The following FAM107B variants were observed in gnomAD, a reference collection of about 807,000 sequenced individuals.
FAM107B encodes the protein protein FAM107B.
In FAM107B, 21 loss-of-function variants were observed where a neutral mutation model predicts 31.5. The observed-to-expected ratio is 0.67, with a 90% CI of 0.47 to 0.96. The LOEUF (loss-of-function observed/expected upper bound fraction) is 0.96. Ranked by LOEUF, FAM107B falls within the 40% of genes least tolerant of loss-of-function variation. The probability of loss-of-function intolerance (pLI) is 0.00; values close to 1 mark genes in which losing one functional copy is unlikely to be tolerated. For synonymous variants in FAM107B, 157 were observed against 141.5 expected (o/e 1.11, Z -0.78); for missense variants, 452 against 377.1 (o/e 1.20, Z -1.64).
At chr10:14,610,453 T>C (rs1284062689) in intron 2 of FAM107B, among the ~76,000 whole-genome samples, 1 of 152,244 alleles carries the variant, frequency 6.6e-6, no homozygotes, top group African/African-American at 2.4e-5. Context: ...GCACAATTGT[T>C]GTATGACGTT....
intron 1 of FAM107B, among the ~76,000 whole-genome samples, chr10:14,745,456 CTT>C (rs1156476914): frequency 6.6e-6 from 1 of 152,114 alleles, no homozygotes; most frequent in East Asian, 1.9e-4. Flanking sequence ...AAATTTCTCT[CTT>C]AACACTACTT....
intron 2 of FAM107B, among the ~76,000 whole-genome samples, chr10:14,580,899 A>T (rs1008836782): frequency 1.7e-4 from 26 of 152,196 alleles, no homozygotes; most frequent in Non-Finnish European, 3.5e-4. Flanking sequence ...CTGTTGGCTT[A>T]TTGAGAGCAC....
rs1846849363 is a variant in FAM107B at position 14,530,449 on chromosome 10, G to C, written c.536C>G (p.Pro179Arg). ...AGGATTGTCATCTTCTATGTAGTCT[G>C]GCTCGGCCATGATGCTTCTTGTAAT... is the stretch of plus-strand genomic sequence containing the variant. Reference protein sequence around the residue: ...YLITRSIMAEPDYIEDDNPEL... With the variant: ...YLITRSIMAERDYIEDDNPEL... The change falls in exon 3 of 5, where the codon CCA (proline) becomes CGA (arginine). Residue 179 changes from proline (P) to arginine (R), a missense_variant. By Grantham distance (103) the Pro-to-Arg change is moderately radical (BLOSUM62 -2). Transcript: ENST00000181796. The C allele has an allele frequency of 6.2e-7, 1 of 1,614,062 alleles. No individual in the cohort carries two copies. Among genetic ancestry groups the C allele is most frequent in the Non-Finnish European group, 8.5e-7 (1 of 1,180,004 alleles).
At chr10:14,586,256 T>C (rs1851830771) in intron 2 of FAM107B, among the ~76,000 whole-genome samples, 1 of 152,122 alleles carries the variant, frequency 6.6e-6, no homozygotes, top group Non-Finnish European at 1.5e-5. Context: ...CCACCTTCTC[T>C]TCAGAACACT....
chr10:14,712,721 T>G (rs1331492422), intron 1 of FAM107B, among the ~76,000 whole-genome samples: 1 of 152,036 alleles, frequency 6.6e-6, no homozygotes, highest in Non-Finnish European at 1.5e-5. Context: ...TGGGAAGAGG[T>G]TTTAAAAAAC....
At chr10:14,682,384 C>T (rs775042352) in intron 1 of FAM107B, among the ~76,000 whole-genome samples, 2 of 152,108 alleles carry the variant, frequency 1.3e-5, no homozygotes, top group Non-Finnish European at 2.9e-5. Context: ...TAAAAATTAG[C>T]TGGGCTTGGT....
At chr10:14,632,767 G>A (rs1588672162) in intron 2 of FAM107B, among the ~76,000 whole-genome samples, 1 of 152,010 alleles carries the variant, frequency 6.6e-6, no homozygotes, top group African/African-American at 2.4e-5. Flanking sequence ...GGAGAGACAC[G>A]AGATGGCACA....
rs1483077713 is a variant in FAM107B, at chr10:14,774,335, C to T, written c.329G>A (p.Gly110Glu). 1.2e-6 allele frequency: 2 copies of T among 1,614,208 alleles called. No homozygotes were observed. The highest frequency in any genetic ancestry group is 8.5e-7 in the Non-Finnish European group (1 of 1,180,038). Reference protein sequence around the residue: ...QPAETPEDVPGSLDDGADCEA... With the variant: ...QPAETPEDVPESLDDGADCEA... Reference sequence around the variant, plus strand: ...ACAGTCCGCCCCATCATCCAGGGACCCGGGCACATCTTCAGGCGTCTCCGC... The same window carrying T: ...ACAGTCCGCCCCATCATCCAGGGACTCGGGCACATCTTCAGGCGTCTCCGC... Residue 110 changes from glycine (G) to glutamate (E), a missense_variant, in exon 1 of 5, where the codon GGG becomes GAG. Transcript: ENST00000181796.
At chr10:14,586,564 G>A (rs1281330033) in intron 2 of FAM107B, among the ~76,000 whole-genome samples, 7 of 152,156 alleles carry the variant, frequency 4.6e-5, no homozygotes, top group Non-Finnish European at 4.4e-5. Flanking sequence ...ACACCAGGCA[G>A]ATGATCTCCC....
Position 14,774,283 on chromosome 10 carries a change from G to T in FAM107B, c.381C>A (p.Ile127=). Residue 127 remains isoleucine, a synonymous_variant, in exon 1 of 5, where the codon ATC becomes ATA. Coordinates refer to ENST00000181796, the MANE Select transcript of FAM107B (RefSeq NM_031453.4). ...GCGTGTCAATAATTGATGGTCTGGG[G>T]ATGGAAGCGTGAAACACCACTGCTT... The part of the protein sequence containing the change: ...DCEAVVFHAS[I]PRPSIIDTPK... 1.2e-6 allele frequency: 2 copies of T among 1,613,548 alleles called. No individual in the cohort carries two copies. Among genetic ancestry groups the T allele is most frequent in the Non-Finnish European group, 1.7e-6 (2 of 1,179,586 alleles).
chr10:14,729,850 A>G (rs939130105), intron 1 of FAM107B, among the ~76,000 whole-genome samples: 4 of 152,242 alleles, frequency 2.6e-5, no homozygotes, highest in African/African-American at 9.6e-5. Context: ...ATGAAATACT[A>G]CGCAGCCATA....
At chr10:14,757,771 G>A (rs1832959304) in intron 1 of FAM107B, among the ~76,000 whole-genome samples, 1 of 152,162 alleles carries the variant, frequency 6.6e-6, no homozygotes, top group African/African-American at 2.4e-5. Flanking sequence ...TAACGTCCAA[G>A]GTAAAAGGAA....
At chr10:14,588,527 A>T (rs570901788) in intron 2 of FAM107B, among the ~76,000 whole-genome samples, 17 of 152,288 alleles carry the variant, frequency 1.1e-4, no homozygotes, top group Non-Finnish European at 2.4e-4. Flanking sequence ...AGCTTCACAC[A>T]GGTAAGTGGG....
intron 3 of FAM107B, among the ~76,000 whole-genome samples, chr10:14,527,414 CT>C (rs1846399373): frequency 6.6e-6 from 1 of 152,218 alleles, no homozygotes; most frequent in South Asian, 2.1e-4. Context: ...CTCTTAAGTT[CT>C]TGTTCTCAGC....
Position 14,539,970 on chromosome 10 carries a change from C to T in FAM107B, c.470-9455G>A, listed in dbSNP as rs574130955. 6.0e-4 allele frequency among the ~76,000 whole-genome samples: 92 copies of T among 152,310 alleles called. 1 individual carries two copies. The highest frequency in any genetic ancestry group is 1.9e-3 in the African/African-American group (80 of 41,554). On this transcript the variant is annotated intron_variant, in intron 2 of 4. Transcript: ENST00000181796. ...CCCCTAGGTTCAGCCAACAGCAGCA[C>T]ATCTATGGAGAAACGAGAAGGGCGA...
chr10:14,719,587 C>T (rs961169510), intron 1 of FAM107B, among the ~76,000 whole-genome samples: 1 of 152,212 alleles, frequency 6.6e-6, no homozygotes, highest in African/African-American at 2.4e-5. Context: ...AGACATTTCC[C>T]ATGCTCCCTT....
chr10:14,702,188 A>G (rs1251098047), intron 1 of FAM107B, among the ~76,000 whole-genome samples: 1 of 152,208 alleles, frequency 6.6e-6, no homozygotes, highest in Admixed American at 6.5e-5. Flanking sequence ...GCTCATCCAC[A>G]ATATTTTATG....
chr10:14,690,509 A>C (rs977142471), intron 1 of FAM107B, among the ~76,000 whole-genome samples: 2 of 151,440 alleles, frequency 1.3e-5, no homozygotes, highest in African/African-American at 4.9e-5. Context: ...GCTGGAGTGC[A>C]GTGGTGTGAA....
At chr10:14,711,833 A>G (rs996091805) in intron 1 of FAM107B, among the ~76,000 whole-genome samples, 3 of 152,142 alleles carry the variant, frequency 2.0e-5, no homozygotes, top group African/African-American at 7.2e-5. Context: ...TAGTAGAGAC[A>G]GGGTTTCACC....
Sources: allele counts gnomAD v4.1 joint callset (sites outside exome capture counted in the v4.1 genomes callset), GRCh38; gene constraint gnomAD v4.1.1; transcripts MANE v1.5; gene names NCBI Gene and HGNC (gene_info 2026-07-23, HGNC 2026-07-21).